The following EPHA6 variants were observed in gnomAD, a reference collection of about 807,000 sequenced individuals.
The protein encoded by EPHA6 is EPH receptor A6.
A neutral mutation model predicts 112.0 loss-of-function variants in EPHA6; 50 were observed. That is an observed-to-expected ratio of 0.45 (90% confidence interval 0.36 to 0.56). EPHA6 has a LOEUF of 0.56. Among genes scored for constraint, EPHA6 ranks in the 20% least tolerant of loss-of-function variants. The pLI is 0.00. For missense variants in EPHA6, 1,280 were observed against 1,417.4 expected (o/e 0.90, Z 1.56); for synonymous variants, 529 against 490.7 (o/e 1.08, Z -1.03).
At chr3:97,392,999 A>C (rs1470324450) in intron 5 of EPHA6, among the ~76,000 whole-genome samples, 1 of 151,810 alleles carries the variant, frequency 6.6e-6, no homozygotes, top group Non-Finnish European at 1.5e-5. Context: ...TCAAATAATA[A>C]TACTTTTGCC....
intron 2 of EPHA6, among the ~76,000 whole-genome samples, chr3:96,884,365 C>T (rs1444250428): frequency 6.6e-6 from 1 of 152,076 alleles, no homozygotes; most frequent in South Asian, 2.1e-4. Flanking sequence ...GGATGTGTTT[C>T]CATTCATTTG....
chr3:97,584,102 G>A (rs1284026114), intron 11 of EPHA6, among the ~76,000 whole-genome samples: 4 of 152,056 alleles, frequency 2.6e-5, no homozygotes, highest in Non-Finnish European at 4.4e-5. Flanking sequence ...TACTATTTGA[G>A]TGTACATTGT....
chr3:97,431,380 G>A (rs1427786688), intron 6 of EPHA6, among the ~76,000 whole-genome samples: 2 of 151,970 alleles, frequency 1.3e-5, no homozygotes, highest in African/African-American at 4.8e-5. Context: ...TTTAGTTAAG[G>A]CAGTATTTTT....
intron 3 of EPHA6, among the ~76,000 whole-genome samples, chr3:97,034,127 G>A (rs1364632571): frequency 6.6e-6 from 1 of 151,772 alleles, no homozygotes; most frequent in African/African-American, 2.4e-5. Context: ...GGGAACTTTA[G>A]GGAAAAAGAA....
chr3:97,498,869 G>A (rs2092048810), intron 10 of EPHA6, among the ~76,000 whole-genome samples: 1 of 152,160 alleles, frequency 6.6e-6, no homozygotes, highest in African/African-American at 2.4e-5. Context: ...CCCTTCATCT[G>A]CGGAAAAATT....
chr3:96,873,410 A>C (rs2036756230), intron 2 of EPHA6, among the ~76,000 whole-genome samples: 1 of 152,148 alleles, frequency 6.6e-6, no homozygotes, highest in Non-Finnish European at 1.5e-5. Flanking sequence ...AGCTAATTCT[A>C]AACTACTTAT....
intron 12 of EPHA6, among the ~76,000 whole-genome samples, chr3:97,594,295 A>T (rs2093569019): frequency 6.6e-6 from 1 of 152,226 alleles, no homozygotes; most frequent in South Asian, 2.1e-4. Flanking sequence ...ATTGTTCTAT[A>T]ACACATACAG....
Position 97,308,705 on chromosome 3 carries a change from C to T in EPHA6, c.1606+64418C>T, listed in dbSNP as rs545546926. 3.3e-5 allele frequency among the ~76,000 whole-genome samples: 5 copies of T among 151,870 alleles called. No homozygotes were observed. The South Asian group carries it at 6.2e-4, about 19-fold the overall frequency. On this transcript the variant is annotated intron_variant, in intron 5 of 17. Transcript: ENST00000389672. ...CTAACCTCTGCTACAGAATTTATTTCGCTATTTTATCACTGGTAGTTTGAA... is the reference window on the plus strand; with the variant it reads ...CTAACCTCTGCTACAGAATTTATTTTGCTATTTTATCACTGGTAGTTTGAA...
At chr3:97,711,418 T>C (rs189898573) in intron 14 of EPHA6, among the ~76,000 whole-genome samples, 1 of 151,840 alleles carries the variant, frequency 6.6e-6, no homozygotes, top group East Asian at 1.9e-4. Flanking sequence ...GATATATATA[T>C]ATATATATAA....
chr3:97,137,830 T>G (rs781524960), intron 3 of EPHA6, among the ~76,000 whole-genome samples: 1 of 152,062 alleles, frequency 6.6e-6, no homozygotes, highest in Non-Finnish European at 1.5e-5. Flanking sequence ...TGTACCCTAG[T>G]ACTTAAAGTA....
chr3:97,525,538 T>C (rs2092606301), intron 10 of EPHA6, among the ~76,000 whole-genome samples: 1 of 152,184 alleles, frequency 6.6e-6, no homozygotes, highest in Non-Finnish European at 1.5e-5. Context: ...ATTTTGATGG[T>C]GTCATGTTTG....
intron 3 of EPHA6, among the ~76,000 whole-genome samples, chr3:97,009,143 A>G (rs1448909315): frequency 6.6e-6 from 1 of 152,116 alleles, no homozygotes; most frequent in East Asian, 1.9e-4. Flanking sequence ...TTGGTGGAGA[A>G]GGTGTGTTTT....
chr3:96,956,213 T>G (rs2041752638), intron 2 of EPHA6, among the ~76,000 whole-genome samples: 1 of 152,166 alleles, frequency 6.6e-6, no homozygotes, highest in African/African-American at 2.4e-5. Context: ...ACATAGAGAT[T>G]GGTAATTAAA....
intron 3 of EPHA6, among the ~76,000 whole-genome samples, chr3:97,216,695 G>T (rs749777872): frequency 3.0e-4 from 46 of 152,112 alleles, no homozygotes; most frequent in Middle Eastern, 3.2e-3. Flanking sequence ...AACTCCTCCA[G>T]TGATATTTTA....
intron 10 of EPHA6, 99 bp from the exon 11 acceptor site, chr3:97,532,259 T>A (rs2107648703): frequency 4.0e-6 from 4 of 1,004,328 alleles, no homozygotes; most frequent in Non-Finnish European, 4.4e-6. Context: ...TACTTAAGAG[T>A]CATTATGTGA....
chr3:97,524,758 T>C (rs1646998236), intron 10 of EPHA6, among the ~76,000 whole-genome samples: 2 of 152,154 alleles, frequency 1.3e-5, no homozygotes, highest in Admixed American at 1.3e-4. Flanking sequence ...TAGTATGTTT[T>C]GTTAACTTAT....
In EPHA6 at chr3:97,494,689, T is replaced by TA. The variant is rs1017855862; in HGVS notation, c.2200+10641dup. 1.4e-3 allele frequency among the ~76,000 whole-genome samples: 196 copies of TA among 145,004 alleles called. 1 individual carries two copies. Among genetic ancestry groups the TA allele is most frequent in the Middle Eastern group, 3.5e-3 (1 of 286 alleles). On this transcript the variant is annotated intron_variant, in intron 10 of 17. Coordinates refer to ENST00000389672, the MANE Select transcript of EPHA6 (RefSeq NM_001080448.3). ...CCAATAAATCCAGGATATTTGTGAG[T>TA]AAAAAAAAAAAGTGCTTCCTTATAA...
At chr3:97,477,455 G>A (rs1357248855) in intron 8 of EPHA6, among the ~76,000 whole-genome samples, 3 of 149,266 alleles carry the variant, frequency 2.0e-5, no homozygotes, top group East Asian at 3.9e-4. Flanking sequence ...GGGAAGGGGA[G>A]GGGAGGGGAG....
chr3:97,269,902 C>G (rs560167945), intron 5 of EPHA6, among the ~76,000 whole-genome samples: 1 of 152,240 alleles, frequency 6.6e-6, no homozygotes, highest in African/African-American at 2.4e-5. Context: ...ATAGAAGAAA[C>G]TAAACTGTGG....
Sources: gnomAD v4.1 joint callset for allele counts (sites outside exome capture counted in the v4.1 genomes callset) on GRCh38, gnomAD v4.1.1 for gene constraint, MANE v1.5 for transcripts, NCBI Gene and HGNC (gene_info 2026-07-23, HGNC 2026-07-21) for gene names.